Variants in OFD1 observed in about 807,000 individuals in gnomAD.
The protein encoded by OFD1 is OFD1 centriole and centriolar satellite protein.
In OFD1, 12 loss-of-function variants were observed where a neutral mutation model predicts 81.4. The observed-to-expected ratio is 0.15, with a 90% CI of 0.09 to 0.24. The LOEUF is 0.24. OFD1 is among the 10% of genes least tolerant of loss of function. OFD1 has a pLI of 1.00. For synonymous variants in OFD1, 256 were observed against 263.7 expected (o/e 0.97, Z 0.28); for missense variants, 685 against 733.9 (o/e 0.93, Z 0.77).
upstream of OFD1, chrX:13,733,951 A>G: frequency 2.0e-6 from 1 of 506,930 alleles, no homozygotes; most frequent in Non-Finnish European, 3.5e-6. Context: ...GTTCTTGTTC[A>G]ATTCTCTGGC....
chrX:13,735,071 G>A lies in OFD1; in HGVS notation c.-1G>A. On this transcript the variant is annotated 5_prime_UTR_variant, in exon 1 of 23. Transcript: ENST00000340096. ...CGGGCTCCGGAGGGAGCTGACGCCTGATGATGGCGCAGGTAGACACACCTG... is the reference window on the plus strand; with the variant it reads ...CGGGCTCCGGAGGGAGCTGACGCCTAATGATGGCGCAGGTAGACACACCTG... The A allele has an allele frequency of 8.4e-7, 1 of 1,197,080 alleles. No homozygotes were observed.
chrX:13,719,654 T>C, the OFD1 span, among the ~76,000 whole-genome samples: 1 of 111,861 alleles, frequency 8.9e-6, no homozygotes, highest in Non-Finnish European at 1.9e-5. Context: ...GAACTGAGTA[T>C]GATGGGAATG....
upstream of OFD1, among the ~76,000 whole-genome samples, chrX:13,729,874 C>G (rs2146868577): frequency 8.9e-6 from 1 of 111,800 alleles, no homozygotes; most frequent in South Asian, 3.7e-4. Flanking sequence ...CACCATTGCA[C>G]TCCAGCCTGG....
At chrX:13,769,386 G>T (rs1005657520), downstream of OFD1, 17 of 307,733 alleles carry the variant, frequency 5.5e-5, no homozygotes, top group African/African-American at 8.1e-5. Context: ...TTATAAATGA[G>T]TATAACCTAT....
intron 10 of OFD1, among the ~76,000 whole-genome samples, chrX:13,751,773 G>A (rs914232575): frequency 8.9e-6 from 1 of 112,192 alleles, no homozygotes; most frequent in African/African-American, 3.2e-5. Context: ...GGCAGACGTT[G>A]CAGTGAACTG....
intron 10 of OFD1, chrX:13,752,590 G>C (rs1446565174): frequency 1.7e-6 from 1 of 593,552 alleles, no homozygotes; most frequent in African/African-American, 2.4e-5. Context: ...TACTAAAATA[G>C]CTAAAATGGA....
intron 16 of OFD1, 26 bp downstream of exon 16, chrX:13,760,746 G>T: frequency 2.5e-6 from 3 of 1,207,800 alleles, no homozygotes; most frequent in Non-Finnish European, 3.4e-6. Context: ...AAAGGGTTGC[G>T]GGGTGCTCTG....
At chrX:13,755,633 G>C (rs755076036) in intron 12 of OFD1, among the ~76,000 whole-genome samples, 1 of 112,034 alleles carries the variant, frequency 8.9e-6, no homozygotes, top group Non-Finnish European at 1.9e-5. Flanking sequence ...TTCTACATCA[G>C]CCTGTTATCT....
chrX:13,714,619 A>G, the OFD1 span: 3 of 403,339 alleles, frequency 7.4e-6, no homozygotes, highest in South Asian at 2.2e-4. Context: ...AAGTCTAAAG[A>G]CCACATTTTT....
chrX:13,756,627 A>G lies in OFD1; in HGVS notation c.1271A>G (p.Asn424Ser), dbSNP rs532274932. The part of the protein sequence containing the change: ...KAQSLAITKQ[N>S]HMLNEKVKEM... ...CAGTCTTTGGCAATAACAAAACAAA[A>G]CCATATGCTGAATGAAAAGGTTAAA... is the stretch of plus-strand genomic sequence containing the variant. The change falls in exon 13 of 23, where the codon AAC (asparagine) becomes AGC (serine). Residue 424 changes from asparagine to serine, a missense_variant. By Grantham distance (46) the Asn-to-Ser change is conservative. Transcript: ENST00000340096. The G allele has an allele frequency of 4.9e-5, 59 of 1,204,704 alleles. 1 individual carries two copies. In the South Asian group the frequency reaches 9.7e-4, roughly 20 times the overall value.
At chrX:13,753,573 T>C (rs2047584410) in intron 11 of OFD1, 132 bp downstream of exon 11, 1 of 591,656 alleles carries the variant, frequency 1.7e-6, no homozygotes, top group African/African-American at 2.3e-5. Flanking sequence ...TACACATTTT[T>C]TGTAATTTTA....
chrX:13,724,477 C>T, the OFD1 span, among the ~76,000 whole-genome samples: 2 of 109,999 alleles, frequency 1.8e-5, no homozygotes, highest in East Asian at 5.7e-4. Context: ...CTGCTTCAAG[C>T]GCTTGCTACA....
rs185443066 is a variant in OFD1 at position 13,761,040 on chromosome X, C to T, written c.2261-45C>T. The stretch of plus-strand genomic sequence containing the variant: ...TTAGAAACCACGTTGGTATCTTCTC[C>T]GTGCAATTGGTAATATTCTTGCCTT... On this transcript the variant is annotated intron_variant, in intron 16 of 22. Coordinates refer to ENST00000340096, the MANE Select transcript of OFD1 (RefSeq NM_003611.3). The T allele has an allele frequency of 2.2e-5, 26 of 1,204,717 alleles. No homozygotes were observed. The East Asian group carries it at 3.3e-4, about 15-fold the overall frequency.
intron 19 of OFD1, among the ~76,000 whole-genome samples, chrX:13,764,397 C>G (rs2048048373): frequency 8.9e-6 from 1 of 112,276 alleles, no homozygotes; most frequent in African/African-American, 3.2e-5. Flanking sequence ...TAGCGTAGCA[C>G]TGGAGGAAAA....
chrX:13,750,484 C>T (rs1000042130), intron 9 of OFD1, among the ~76,000 whole-genome samples: 3 of 112,148 alleles, frequency 2.7e-5, no homozygotes, highest in African/African-American at 9.7e-5. Flanking sequence ...ACCCATGAAC[C>T]TACCTCCCTG....
chrX:13,723,675 C>G, the OFD1 span, among the ~76,000 whole-genome samples: 1 of 111,313 alleles, frequency 9.0e-6, no homozygotes, highest in Non-Finnish European at 1.9e-5. Flanking sequence ...CCAAGAGAGG[C>G]TTGGCCCAGA....
At chrX:13,730,356 A>C (rs760174311), upstream of OFD1, among the ~76,000 whole-genome samples, 1 of 112,400 alleles carries the variant, frequency 8.9e-6, no homozygotes, top group African/African-American at 3.2e-5. Flanking sequence ...GCAAATCAAA[A>C]CCACAAAGAG....
At chrX:13,756,162 C>T (rs7884437) in intron 12 of OFD1, among the ~76,000 whole-genome samples, 178 of 110,460 alleles carry the variant, frequency 1.6e-3, no homozygotes, top group African/African-American at 5.8e-3. Context: ...CCATGTTGCC[C>T]AGGGTGGTCT....
chrX:13,724,748 T>C, the OFD1 span, among the ~76,000 whole-genome samples: 2 of 112,381 alleles, frequency 1.8e-5, no homozygotes, highest in African/African-American at 6.5e-5. Flanking sequence ...TTGGGACTGG[T>C]TGGACAGTGG....
Sources: allele counts gnomAD v4.1 joint callset (sites outside exome capture counted in the v4.1 genomes callset), GRCh38; gene constraint gnomAD v4.1.1; transcripts MANE v1.5; gene names NCBI Gene and HGNC (gene_info 2026-07-23, HGNC 2026-07-21).